Variants in CES5A observed in about 807,000 individuals in gnomAD.
CES5A encodes carboxylesterase 5A.
In CES5A, 67 loss-of-function variants were observed where a neutral mutation model predicts 62.9. The observed-to-expected ratio is 1.07, with a 90% CI of 0.88 to 1.31. CES5A has a LOEUF of 1.31. CES5A is among the 50% of genes most tolerant of loss of function. The pLI is 0.00. For synonymous variants in CES5A, 296 were observed against 280.8 expected, an observed-to-expected ratio of 1.05 and a Z score of -0.54; for missense variants, 748 against 708.5, an observed-to-expected ratio of 1.06 and a Z score of -0.63.
In CES5A at chr16:55,871,763, C is replaced by G; in HGVS notation, c.279G>C (p.Leu93Phe). The stretch of plus-strand genomic sequence containing the variant: ...GCAGCCACTCTGAGTTCTGGAGGCA[C>G]CTTGGAGAAGGAGAGGAGAAAACCC... ...NLREATSYPNLCLQNSEWLLL... is the reference protein window; with the variant it reads ...NLREATSYPNFCLQNSEWLLL... The change falls in exon 3 of 13, where the codon TTG becomes TTC. Residue 93 changes from leucine to phenylalanine, a missense_variant and splice_region_variant. Leu to Phe is a conservative substitution (Grantham distance 22). Coordinates refer to ENST00000290567, the MANE Select transcript of CES5A (RefSeq NM_001143685.2). 1 of 1,613,788 alleles carries G rather than the reference C, an allele frequency of 6.2e-7. No homozygotes were observed. Among genetic ancestry groups the G allele is most frequent in the South Asian group, 1.1e-5 (1 of 91,032 alleles).
chr16:55,855,899 G>A (rs1338161166), intron 9 of CES5A, among the ~76,000 whole-genome samples: 1 of 152,166 alleles, frequency 6.6e-6, no homozygotes, highest in Non-Finnish European at 1.5e-5. Flanking sequence ...CTGATGGGAG[G>A]TGATTGGATC....
chr16:55,874,186 G>GGA, intron 1 of CES5A, 149 bp from the exon 2 acceptor site: 1 of 692,528 alleles, frequency 1.4e-6, no homozygotes, highest in Non-Finnish European at 2.4e-6. Flanking sequence ...CATGAATCCA[G>GGA]TTCCATGGCT....
At chr16:55,903,728 T>C (rs1473931891) in intron 1 of CES5A, among the ~76,000 whole-genome samples, 1 of 152,226 alleles carries the variant, frequency 6.6e-6, no homozygotes, top group East Asian at 1.9e-4. Flanking sequence ...CAGTTTGAGA[T>C]CTTACTGGAG....
chr16:55,946,123 G>A (rs1345535572), intron 2 of CES5A, among the ~76,000 whole-genome samples: 1 of 152,198 alleles, frequency 6.6e-6, no homozygotes, highest in Non-Finnish European at 1.5e-5. Context: ...TTTTCATCGG[G>A]TTAGAAAGAA....
chr16:55,921,573 G>C (rs1251765993), intron 1 of CES5A, among the ~76,000 whole-genome samples: 1 of 144,082 alleles, frequency 6.9e-6, no homozygotes, highest in Admixed American at 7.2e-5. Flanking sequence ...CAAAAGCTGA[G>C]AGAATTCACT....
At chr16:55,895,865 T>C (rs1160946159) in intron 1 of CES5A, among the ~76,000 whole-genome samples, 1 of 152,050 alleles carries the variant, frequency 6.6e-6, no homozygotes, top group Non-Finnish European at 1.5e-5. Context: ...TGGTGGGAGA[T>C]GTTTAGGTCA....
chr16:55,867,947 C>T (rs536458542), intron 4 of CES5A, among the ~76,000 whole-genome samples: 4 of 152,292 alleles, frequency 2.6e-5, no homozygotes, highest in Admixed American at 1.3e-4. Flanking sequence ...CCCAGTGGGG[C>T]TCCCTATCTG....
chr16:55,937,212 A>C (rs928287291), intron 2 of CES5A, among the ~76,000 whole-genome samples: 1 of 152,126 alleles, frequency 6.6e-6, no homozygotes, highest in African/African-American at 2.4e-5. Context: ...CCCCCAGCAG[A>C]GCTGTCTCCA....
chr16:55,923,742 G>A (rs1267326993), intron 1 of CES5A, among the ~76,000 whole-genome samples: 1 of 151,712 alleles, frequency 6.6e-6, no homozygotes, highest in Non-Finnish European at 1.5e-5. Context: ...TATCACTGAA[G>A]AACTTAGATG....
In CES5A at chr16:55,885,337, C is replaced by T. The variant is rs186228908; in HGVS notation, c.-255-11300G>A. Among the ~76,000 whole-genome samples the T allele has an allele frequency of 1.1e-3, 173 of 152,308 alleles. 1 individual carries two copies. The highest frequency in any genetic ancestry group is 4.0e-3 in the African/African-American group (167 of 41,560). Reference sequence around the variant, plus strand: ...CAGTCCCAGACCCCCATCTTACCACCTGTCTTCCGAGACCACTTTCGTTGG... The same window carrying T: ...CAGTCCCAGACCCCCATCTTACCACTTGTCTTCCGAGACCACTTTCGTTGG... On this transcript the variant is annotated intron_variant, in intron 1 of 12. Coordinates refer to the CES5A transcript ENST00000518005.
intron 1 of CES5A, among the ~76,000 whole-genome samples, chr16:55,954,423 G>A (rs1281940510): frequency 1.3e-5 from 2 of 152,176 alleles, no homozygotes; most frequent in African/African-American, 4.8e-5. Context: ...TCCTGACCGA[G>A]GTGAAGCTCA....
chr16:55,906,395 T>C (rs2034040213), intron 1 of CES5A, among the ~76,000 whole-genome samples: 1 of 151,902 alleles, frequency 6.6e-6, no homozygotes, highest in East Asian at 1.9e-4. Flanking sequence ...CAGCAAAGAG[T>C]TGGGAACAGG....
In CES5A at chr16:55,873,494, C is replaced by T. The variant is rs1386819876; in HGVS notation, c.278+339G>A. Among the ~76,000 whole-genome samples, 10 of 152,250 alleles carry T rather than the reference C, an allele frequency of 6.6e-5. No individual in the cohort carries two copies. In the East Asian group the frequency reaches 1.4e-3, roughly 21 times the overall value. On this transcript the variant is annotated intron_variant, in intron 2 of 12. Coordinates refer to ENST00000290567, the MANE Select transcript of CES5A (RefSeq NM_001143685.2). ...TCCCTTCTGACCAAAGGACTCAGTA[C>T]GCCCATTTCAGCACTTCTAAAAAAA...
intron 10 of CES5A, 132 bp from the exon 11 acceptor site, chr16:55,849,905 T>A: frequency 2.2e-6 from 2 of 914,264 alleles, no homozygotes; most frequent in Non-Finnish European, 3.2e-6. Context: ...CACTTCCCCC[T>A]TCCTCATTTG....
At chr16:55,867,729 A>T (rs2142405944) in intron 4 of CES5A, among the ~76,000 whole-genome samples, 1 of 152,294 alleles carries the variant, frequency 6.6e-6, no homozygotes, top group East Asian at 1.9e-4. Flanking sequence ...GCCACTTATT[A>T]TCTGGGTGAC....
intron 1 of CES5A, among the ~76,000 whole-genome samples, chr16:55,924,227 AG>A (rs2034237049): frequency 1.3e-5 from 2 of 152,038 alleles, no homozygotes; most frequent in Non-Finnish European, 2.9e-5. Context: ...ATAAATTTGC[AG>A]GATACAAAAT....
At chr16:55,867,892 C>G (rs1298385984) in intron 4 of CES5A, among the ~76,000 whole-genome samples, 2 of 152,180 alleles carry the variant, frequency 1.3e-5, no homozygotes, top group Non-Finnish European at 2.9e-5. Flanking sequence ...TTAGCTATTG[C>G]TTTTGTGGTT....
chr16:55,866,745 G>A (rs1476598686), intron 4 of CES5A, among the ~76,000 whole-genome samples: 1 of 151,642 alleles, frequency 6.6e-6, no homozygotes, highest in East Asian at 1.9e-4. Context: ...GGCTGAGGCA[G>A]GAGAATGGCT....
At chr16:55,877,408 A>ATGTG (rs201300942), upstream of CES5A, among the ~76,000 whole-genome samples, 3 of 150,632 alleles carry the variant, frequency 2.0e-5, no homozygotes, top group Non-Finnish European at 4.4e-5. Flanking sequence ...ATGTATACAT[A>ATGTG]TGTGTGTGTG....
Sources: gnomAD v4.1 joint callset for allele counts (sites outside exome capture counted in the v4.1 genomes callset) on GRCh38, gnomAD v4.1.1 for gene constraint, MANE v1.5 for transcripts, NCBI Gene and HGNC (gene_info 2026-07-23, HGNC 2026-07-21) for gene names.